ZDBF2: variants seen among roughly 807,000 people sequenced by gnomAD.
ZDBF2 encodes zinc finger DBF-type containing 2.
Under a neutral mutation model 9.4 loss-of-function variants are expected in ZDBF2, and 6 were observed. That is an observed-to-expected ratio of 0.64 (90% CI 0.35 to 1.27). The LOEUF (loss-of-function observed/expected upper bound fraction) is 1.27, where lower values mean the gene tolerates loss of function less well. Among genes scored for constraint, ZDBF2 ranks in the 50% most tolerant of loss-of-function variants. The pLI, the probability that ZDBF2 is intolerant of heterozygous loss-of-function variation, is 0.03. For synonymous variants in ZDBF2, 905 were observed against 946.3 expected, an observed-to-expected ratio of 0.96 and a Z score of 0.80; for missense variants, 2,697 against 2,766.8, an observed-to-expected ratio of 0.97 and a Z score of 0.57.
At chr2:206,300,082 C>G (rs887363232) in intron 4 of ZDBF2, among the ~76,000 whole-genome samples, 3 of 152,166 alleles carry the variant, frequency 2.0e-5, no homozygotes, top group Admixed American at 6.5e-5. Context: ...GCACTCCAGC[C>G]TGGGCAACAA....
Position 206,308,347 on chromosome 2 carries a change from G to A in ZDBF2, c.3819G>A (p.Leu1273=). ...EVSLWKEHVD[L]ENKIVKPTDS... ...GTCTTTGGAAAGAGCATGTTGACTT[G>A]GAAAATAAGATTGTCAAACCTACAG... The change falls in exon 5 of 5, where the codon TTG becomes TTA. Residue 1273 remains leucine (L), a synonymous_variant. Coordinates refer to ENST00000374423, the MANE Select transcript of ZDBF2 (RefSeq NM_020923.3). 6.2e-7 allele frequency: 1 copy of A among 1,612,910 alleles called. No individual in the cohort carries two copies. The highest frequency in any genetic ancestry group is 8.5e-7 in the Non-Finnish European group (1 of 1,179,620).
At chr2:206,286,074 T>A (rs896116253) in intron 3 of ZDBF2, among the ~76,000 whole-genome samples, 2 of 152,242 alleles carry the variant, frequency 1.3e-5, no homozygotes, top group African/African-American at 4.8e-5. Context: ...AGATACTTGA[T>A]ATAATTTCAA....
intron 3 of ZDBF2, among the ~76,000 whole-genome samples, chr2:206,295,114 C>T (rs551301560): frequency 6.6e-6 from 1 of 152,264 alleles, no homozygotes; most frequent in Non-Finnish European, 1.5e-5. Flanking sequence ...TGGTCAGGAG[C>T]TAGCAACCTG....
At chr2:206,299,405 T>C (rs1692376366) in intron 4 of ZDBF2, among the ~76,000 whole-genome samples, 1 of 151,298 alleles carries the variant, frequency 6.6e-6, no homozygotes, top group Non-Finnish European at 1.5e-5. Flanking sequence ...GTGCGGTGGC[T>C]CACGCCTGTA....
At chr2:206,276,708 T>C (rs1438404738) in intron 1 of ZDBF2, among the ~76,000 whole-genome samples, 1 of 152,258 alleles carries the variant, frequency 6.6e-6, no homozygotes, top group Non-Finnish European at 1.5e-5. Flanking sequence ...TTCCCTGATT[T>C]GTTAAATGGG....
chr2:206,309,713 C>A lies in ZDBF2; in HGVS notation c.5185C>A (p.Arg1729Ser), dbSNP rs531064136. 5.6e-6 allele frequency: 9 copies of A among 1,613,646 alleles called. No homozygotes were observed. The highest frequency in any genetic ancestry group is 1.7e-5 in the Admixed American group (1 of 59,974). Residue 1729 changes from arginine to serine, a missense_variant, in exon 5 of 5, where the codon CGT becomes AGT. By Grantham distance (110) the Arg-to-Ser change is moderately radical. Around this residue, in one of 3 missense-constraint regions of ZDBF2, gnomAD observed 1,783 missense variants for 1,776.5 expected, o/e 1.00. Coordinates refer to ENST00000374423, the MANE Select transcript of ZDBF2 (RefSeq NM_020923.3). ...ALHRRADKKK[R>S]SKLKHRDLEV... is the part of the protein sequence containing the mutation. Reference sequence around the variant, plus strand: ...CCATCGAAGGGCTGATAAAAAAAAACGTTCGAAGCTAAAACATAGAGATCT... The same window carrying A: ...CCATCGAAGGGCTGATAAAAAAAAAAGTTCGAAGCTAAAACATAGAGATCT...
chr2:206,305,445 T>C lies in ZDBF2; in HGVS notation c.917T>C (p.Leu306Ser), dbSNP rs372172532. The C allele has an allele frequency of 5.0e-6, 8 of 1,613,020 alleles. No homozygotes were observed. The African/African-American group carries it at 6.7e-5, about 13-fold the overall frequency. ...TTAAGAGTTAAATCTCCTTCCAAAT[T>C]AGCAGTAAACCCGAATAAAACTGAC... ...GSLRVKSPSK[L>S]AVNPNKTDMP... The change falls in exon 5 of 5, where the codon TTA (leucine) becomes TCA (serine). Residue 306 changes from leucine to serine, a missense_variant. Physicochemically the swap from Leu to Ser is moderately radical, Grantham distance 145. This residue lies in a region of ZDBF2 where 910 missense variants were observed against 973.6 expected (regional missense o/e 0.93). Coordinates refer to ENST00000374423, the MANE Select transcript of ZDBF2 (RefSeq NM_020923.3).
chr2:206,311,458 A>C lies in ZDBF2; in HGVS notation c.6930A>C (p.Glu2310Asp). ...RVARRRKKTD[E>D]SYHGRQKGPS... ...CAAGAAGGAGGAAGAAGACTGATGAAAGCTACCATGGCCGACAGAAAGGTC... is the reference window on the plus strand; with the variant it reads ...CAAGAAGGAGGAAGAAGACTGATGACAGCTACCATGGCCGACAGAAAGGTC... Residue 2310 changes from glutamate (E) to aspartate (D), a missense_variant, in exon 5 of 5, where the codon GAA becomes GAC. Physicochemically the swap from Glu to Asp is conservative, Grantham distance 45. Transcript: ENST00000374423. The C allele has an allele frequency of 6.2e-7, 1 of 1,612,552 alleles. No homozygotes were observed. Among genetic ancestry groups the C allele is most frequent in the East Asian group, 2.2e-5 (1 of 44,868 alleles).
intron 2 of ZDBF2, 22 bp downstream of exon 2, chr2:206,279,614 A>G (rs1691207558): frequency 6.6e-6 from 1 of 152,160 alleles, no homozygotes; most frequent in Admixed American, 6.5e-5. Flanking sequence ...TTTACTTTAT[A>G]AAAATATCAG....
intron 4 of ZDBF2, among the ~76,000 whole-genome samples, chr2:206,302,777 T>G (rs1434497651): frequency 6.6e-6 from 1 of 152,196 alleles, no homozygotes; most frequent in African/African-American, 2.4e-5. Context: ...GGTAATAAAT[T>G]TATATGGGAT....
At chr2:206,295,803 C>G (rs972203322) in intron 3 of ZDBF2, among the ~76,000 whole-genome samples, 1 of 151,930 alleles carries the variant, frequency 6.6e-6, no homozygotes, top group African/African-American at 2.4e-5. Context: ...CATAGGTGCC[C>G]CATAGGTAGA....
At chr2:206,292,998 G>A (rs951357201) in intron 3 of ZDBF2, among the ~76,000 whole-genome samples, 1 of 151,950 alleles carries the variant, frequency 6.6e-6, no homozygotes, top group African/African-American at 2.4e-5. Context: ...AAAGTAAAAG[G>A]CTCAGAAGAA....
At position 206,306,696 on chromosome 2, in the gene ZDBF2, A is replaced by G. The variant is rs772864897; in HGVS notation, c.2168A>G (p.Gln723Arg). ...SLYHSAHDEP[Q>R]EALDEVNLKE... ...TATCATTCAGCTCATGATGAGCCTC[A>G]AGAAGCTTTGGATGAAGTAAATCTT... The change falls in exon 5 of 5, where the codon CAA becomes CGA. Residue 723 changes from glutamine to arginine, a missense_variant. By Grantham distance (43) the Gln-to-Arg change is conservative. Coordinates refer to ENST00000374423, the MANE Select transcript of ZDBF2 (RefSeq NM_020923.3). The G allele has an allele frequency of 1.2e-6, 2 of 1,613,824 alleles. No individual in the cohort carries two copies. The highest frequency in any genetic ancestry group is 1.7e-6 in the Non-Finnish European group (2 of 1,179,792).
At position 206,308,969 on chromosome 2, in the gene ZDBF2, G is replaced by A. The variant is rs1559157964; in HGVS notation, c.4441G>A (p.Glu1481Lys). 2.5e-6 allele frequency: 4 copies of A among 1,613,528 alleles called. No individual in the cohort carries two copies. Among genetic ancestry groups the A allele is most frequent in the Non-Finnish European group, 8.5e-7 (1 of 1,179,732 alleles). Reference protein sequence around the residue: ...VSYKEADLQKEEHVVMEEKTD... With the variant: ...VSYKEADLQKKEHVVMEEKTD... ...TTACAAAGAGGCAGACCTTCAGAAG[G>A]AAGAGCATGTTGTCATGGAAGAAAA... Residue 1481 changes from glutamate to lysine, a missense_variant, in exon 5 of 5, where the codon GAA becomes AAA. Transcript: ENST00000374423.
intron 3 of ZDBF2, among the ~76,000 whole-genome samples, chr2:206,293,855 A>G (rs963426332): frequency 3.3e-5 from 5 of 152,194 alleles, no homozygotes; most frequent in African/African-American, 7.2e-5. Context: ...AAAGCTGAAC[A>G]TATGCAAATT....
At position 206,310,842 on chromosome 2, in the gene ZDBF2, C is replaced by T. The variant is rs780769661; in HGVS notation, c.6314C>T (p.Ala2105Val). 1.7e-5 allele frequency: 28 copies of T among 1,613,756 alleles called. No homozygotes were observed. The highest frequency in any genetic ancestry group is 4.5e-5 in the East Asian group (2 of 44,892). Reference protein sequence around the residue: ...NDADGQGSASAPLMAVPARYG... With the variant: ...NDADGQGSASVPLMAVPARYG... ...GCTGATGGACAAGGCTCTGCTTCAG[C>T]GCCTTTAATGGCAGTGCCGGCAAGA... Residue 2105 changes from alanine (A) to valine (V), a missense_variant, in exon 5 of 5, where the codon GCG becomes GTG. This residue lies in a region of ZDBF2 where 1,783 missense variants were observed against 1,776.5 expected (regional missense o/e 1.00). Transcript: ENST00000374423.
At chr2:206,275,677 G>T (rs1482099766) in intron 1 of ZDBF2, among the ~76,000 whole-genome samples, 1 of 151,996 alleles carries the variant, frequency 6.6e-6, no homozygotes, top group African/African-American at 2.4e-5. Flanking sequence ...GCTTGTTTTT[G>T]TTTTTCTTTT....
chr2:206,312,293 C>T lies in ZDBF2; in HGVS notation c.*700C>T, dbSNP rs934500398. 1 of 151,882 alleles carries T rather than the reference C, an allele frequency of 6.6e-6. No individual in the cohort carries two copies. The highest frequency in any genetic ancestry group is 2.4e-5 in the African/African-American group (1 of 41,352). 9.4% of individuals were successfully genotyped at this position (151,882 alleles called of 1,614,324 possible). A position where few individuals can be genotyped will look rare whatever the true frequency, so the allele number is the denominator to read the frequency against. On this transcript the variant is annotated 3_prime_UTR_variant, in exon 5 of 5. Transcript: ENST00000374423. ...AGGCATTCCCCCCCTTTTTTTTAACCACCTTTACTCTCTTCTACATGAAGA... is the reference window on the plus strand; with the variant it reads ...AGGCATTCCCCCCCTTTTTTTTAACTACCTTTACTCTCTTCTACATGAAGA...
chr2:206,276,244 AAAGT>A (rs936973792), intron 1 of ZDBF2, among the ~76,000 whole-genome samples: 5 of 152,358 alleles, frequency 3.3e-5, no homozygotes, highest in East Asian at 3.9e-4. Context: ...AGCATTAAAA[AAAGT>A]AAGATCGCAT....
Sources: allele counts gnomAD v4.1 joint callset (sites outside exome capture counted in the v4.1 genomes callset), GRCh38; gene constraint gnomAD v4.1.1; regional missense constraint gnomAD v4.1.1; transcripts MANE v1.5; gene names NCBI Gene and HGNC (gene_info 2026-07-23, HGNC 2026-07-21).